The following RYR2 variants were observed in gnomAD, a reference collection of about 807,000 sequenced individuals.
RYR2 encodes ryanodine receptor 2, also known as cardiac muscle ryanodine receptor-calcium release channel.
In RYR2, 227 loss-of-function variants were observed where a neutral mutation model predicts 601.1. The ratio of observed to expected loss-of-function variants is 0.38; its 90% confidence interval spans 0.34 to 0.42. The LOEUF (loss-of-function observed/expected upper bound fraction) is 0.42. Among genes scored for constraint, RYR2 ranks in the 10% least tolerant of loss-of-function variants. The pLI is 1.00. For missense variants in RYR2, 4,646 were observed against 6,156.5 expected (o/e 0.75, Z 8.21); for synonymous variants, 2,223 against 2,175.1 (o/e 1.02, Z -0.61).
At chr1:237,174,543 C>A (rs774735200) in intron 1 of RYR2, among the ~76,000 whole-genome samples, 1 of 152,184 alleles carries the variant, frequency 6.6e-6, no homozygotes, top group African/African-American at 2.4e-5. Context: ...CAACCCCTGA[C>A]CTCTCTTTTC....
intron 1 of RYR2, among the ~76,000 whole-genome samples, chr1:237,043,587 T>A (rs1048976290): frequency 6.6e-6 from 1 of 152,138 alleles, no homozygotes; most frequent in Non-Finnish European, 1.5e-5. Flanking sequence ...GAAAATGCCC[T>A]AACTTCCTGC....
At chr1:237,229,978 T>A (rs1409148719) in intron 1 of RYR2, among the ~76,000 whole-genome samples, 1 of 152,052 alleles carries the variant, frequency 6.6e-6, no homozygotes, top group Non-Finnish European at 1.5e-5. Flanking sequence ...AGCCCCCCCT[T>A]TTTTTATATA....
chr1:237,679,523 C>T (rs1355124911), intron 61 of RYR2, among the ~76,000 whole-genome samples: 2 of 152,050 alleles, frequency 1.3e-5, no homozygotes, highest in Admixed American at 1.3e-4. Flanking sequence ...GCTATGGGCC[C>T]GTCACAGTCC....
intron 100 of RYR2, among the ~76,000 whole-genome samples, chr1:237,816,235 C>T (rs2794834): frequency 0.18 from 27,858 of 151,992 alleles, 3,306 homozygotes; most frequent in East Asian, 0.56. Context: ...GAGAAATCCC[C>T]GGAGGAGAGT....
chr1:237,693,496 T>C (rs1687128179), intron 63 of RYR2, among the ~76,000 whole-genome samples: 1 of 152,166 alleles, frequency 6.6e-6, no homozygotes, highest in Non-Finnish European at 1.5e-5. Flanking sequence ...TGTGAATTAA[T>C]CACATAGGTA....
chr1:237,795,364 T>C, intron 96 of RYR2, 33 bp downstream of exon 96: 1 of 1,127,828 alleles, frequency 8.9e-7, no homozygotes, highest in Non-Finnish European at 1.3e-6. Flanking sequence ...ACATTTTTCT[T>C]AAAGCACAGT....
chr1:237,339,943 G>A lies in RYR2; in HGVS notation c.273+8961G>A, dbSNP rs142790107. Among the ~76,000 whole-genome samples, 447 of 152,250 alleles carry A rather than the reference G, an allele frequency of 2.9e-3. 1 individual carries two copies. Among genetic ancestry groups the A allele is most frequent in the African/African-American group, 0.01 (419 of 41,554 alleles). On this transcript the variant is annotated intron_variant, in intron 3 of 104. Coordinates refer to ENST00000366574, the MANE Select transcript of RYR2 (RefSeq NM_001035.3). ...ATTTATTTACTCGCAAGAGAAAATG[G>A]GGCCAGCACAACTGGCTCCGACCAT...
At chr1:237,785,721 A>G (rs113060273) in intron 90 of RYR2, among the ~76,000 whole-genome samples, 1 of 124 alleles carries the variant, frequency 8.1e-3, no homozygotes, top group African/African-American at 0.029. Context: ...GGATATTTCT[A>G]AATGAGAAAA....
At chr1:237,459,379 G>A (rs902443034) in intron 16 of RYR2, among the ~76,000 whole-genome samples, 2 of 152,194 alleles carry the variant, frequency 1.3e-5, no homozygotes, top group African/African-American at 2.4e-5. Context: ...GAGGCTGGAA[G>A]TTTGAGGCCA....
chr1:237,807,290 G>A (rs999290979), intron 99 of RYR2, among the ~76,000 whole-genome samples: 8 of 152,122 alleles, frequency 5.3e-5, no homozygotes, highest in African/African-American at 1.9e-4. Context: ...CTACATAAAA[G>A]GTCCGGCACT....
chr1:237,181,165 G>T (rs1213282285), intron 1 of RYR2, among the ~76,000 whole-genome samples: 2 of 151,866 alleles, frequency 1.3e-5, no homozygotes, highest in African/African-American at 4.8e-5. Context: ...TGTATTTTTA[G>T]TACAGATGGA....
At chr1:237,433,895 C>A (rs1416185676) in intron 12 of RYR2, among the ~76,000 whole-genome samples, 1 of 152,136 alleles carries the variant, frequency 6.6e-6, no homozygotes, top group Admixed American at 6.5e-5. Context: ...TAACATATAT[C>A]TTAGACCTGA....
chr1:237,050,525 CT>C (rs1661124180), intron 1 of RYR2, among the ~76,000 whole-genome samples: 1 of 152,172 alleles, frequency 6.6e-6, no homozygotes, highest in Non-Finnish European at 1.5e-5. Context: ...ATGGCAAGCA[CT>C]TTTTTTCCTT....
intron 1 of RYR2, among the ~76,000 whole-genome samples, chr1:237,178,797 C>A (rs56967315): frequency 0.044 from 6,682 of 151,560 alleles, 481 homozygotes; most frequent in African/African-American, 0.14. Context: ...ACAGCGAGAC[C>A]CTGTTTCAAA....
At chr1:237,444,772 CATT>C (rs1331300792) in intron 13 of RYR2, among the ~76,000 whole-genome samples, 2 of 152,092 alleles carry the variant, frequency 1.3e-5, no homozygotes, top group African/African-American at 4.8e-5. Context: ...TCTTTCCTAA[CATT>C]ATAGTTTCAT....
chr1:237,320,503 T>A (rs759041083), intron 2 of RYR2, among the ~76,000 whole-genome samples: 1 of 152,186 alleles, frequency 6.6e-6, no homozygotes, highest in Non-Finnish European at 1.5e-5. Context: ...CTGTAAAGAT[T>A]AATAGGACTC....
chr1:237,617,010 TGTGGGG>T (rs982029154), intron 37 of RYR2, among the ~76,000 whole-genome samples: 60 of 152,252 alleles, frequency 3.9e-4, no homozygotes, highest in South Asian at 3.7e-3. Flanking sequence ...GCCCTTGACA[TGTGGGG>T]GTTATTACAA....
intron 20 of RYR2, among the ~76,000 whole-genome samples, chr1:237,497,143 G>A (rs1481080981): frequency 1.3e-5 from 2 of 152,030 alleles, no homozygotes; most frequent in African/African-American, 4.8e-5. Context: ...CAACATAAAA[G>A]AACAAAAAAC....
chr1:237,594,911 TTTTTTTTTTTTTTTTTTTTTG>T (rs1675698147), intron 33 of RYR2, among the ~76,000 whole-genome samples: 7 of 73,570 alleles, frequency 9.5e-5, no homozygotes, highest in Admixed American at 5.5e-4. Context: ...TTTTTTTTTT[TTTTTTTTTTTTTTTTTTTTTG>T]CATATTCTAG....
Sources: allele counts gnomAD v4.1 joint callset (sites outside exome capture counted in the v4.1 genomes callset), GRCh38; gene constraint gnomAD v4.1.1; transcripts MANE v1.5; gene names NCBI Gene and HGNC (gene_info 2026-07-23, HGNC 2026-07-21).